The following CACNB2 variants were observed in gnomAD, a reference collection of about 807,000 sequenced individuals.
The protein encoded by CACNB2 is voltage-dependent L-type calcium channel subunit beta-2.
Under a neutral mutation model 73.3 loss-of-function variants are expected in CACNB2, and 42 were observed. The ratio of observed to expected loss-of-function variants is 0.57; its 90% CI spans 0.45 to 0.74. CACNB2 has a LOEUF of 0.74. Among genes scored for constraint, CACNB2 ranks in the 30% least tolerant of loss-of-function variants. CACNB2 has a pLI of 0.00. For synonymous variants in CACNB2, 348 were observed against 310.3 expected (o/e 1.12, Z -1.28); for missense variants, 940 against 853.0 (o/e 1.10, Z -1.27).
At chr10:18,418,694 C>G (rs535583473) in intron 3 of CACNB2, among the ~76,000 whole-genome samples, 1 of 152,294 alleles carries the variant, frequency 6.6e-6, no homozygotes, top group Non-Finnish European at 1.5e-5. Context: ...TACCTCACTG[C>G]CGATTTCTGT....
At chr10:18,509,297 T>C (rs2050644593) in intron 6 of CACNB2, among the ~76,000 whole-genome samples, 1 of 152,206 alleles carries the variant, frequency 6.6e-6, no homozygotes, top group Non-Finnish European at 1.5e-5. Context: ...TCCTCACTCA[T>C]TGCCAGACCA....
rs1167967358 is a variant in CACNB2, at chr10:18,502,712, A to ACC, written c.593+1764_593+1765insCC. Among the ~76,000 whole-genome samples, 146 of 57,952 alleles carry ACC rather than the reference A, an allele frequency of 2.5e-3. 4 individuals are homozygous for ACC. The highest frequency in any genetic ancestry group is 0.021 in the Middle Eastern group (3 of 144). The allele number at this position is 57,952 out of a possible 152,430, so 38.0% of individuals were successfully genotyped here. A position where few individuals can be genotyped will look rare whatever the true frequency, so the allele number is the denominator to read the frequency against. On this transcript the variant is annotated intron_variant, in intron 5 of 13. Transcript: ENST00000324631. ...CTCAAAAAAAAAAAAAAAAAAAAAAAAAAAAAAAAAAACCGCATGTTTTTA... is the reference window on the plus strand; with the variant it reads ...CTCAAAAAAAAAAAAAAAAAAAAAAACCAAAAAAAAAAAACCGCATGTTTTTA...
At chr10:18,275,096 G>A (rs1406183859) in intron 2 of CACNB2, among the ~76,000 whole-genome samples, 1 of 152,256 alleles carries the variant, frequency 6.6e-6, no homozygotes, top group East Asian at 1.9e-4. Flanking sequence ...TGAGACAGGT[G>A]TTTCTCATGG....
chr10:18,255,364 T>A (rs922523484), intron 2 of CACNB2, among the ~76,000 whole-genome samples: 2 of 152,214 alleles, frequency 1.3e-5, no homozygotes, highest in Non-Finnish European at 2.9e-5. Context: ...CAGGTAGCAG[T>A]GCCCCAGAGA....
At chr10:18,163,483 G>A (rs1162756286) in intron 2 of CACNB2, among the ~76,000 whole-genome samples, 1 of 152,150 alleles carries the variant, frequency 6.6e-6, no homozygotes, top group Non-Finnish European at 1.5e-5. Flanking sequence ...CCATGGGCAT[G>A]AGGCACTAAG....
At chr10:18,283,362 C>G (rs952840521) in intron 2 of CACNB2, among the ~76,000 whole-genome samples, 1 of 152,114 alleles carries the variant, frequency 6.6e-6, no homozygotes, top group African/African-American at 2.4e-5. Context: ...GATAAAGACA[C>G]ATGCACAGGT....
At chr10:18,407,862 T>C (rs1300939246) in intron 3 of CACNB2, among the ~76,000 whole-genome samples, 1 of 152,218 alleles carries the variant, frequency 6.6e-6, no homozygotes, top group Non-Finnish European at 1.5e-5. Flanking sequence ...TTTTCTCTTA[T>C]GTCTCTAAAG....
At chr10:18,334,916 G>A (rs549268052) in intron 2 of CACNB2, among the ~76,000 whole-genome samples, 2 of 152,120 alleles carry the variant, frequency 1.3e-5, no homozygotes, top group Non-Finnish European at 2.9e-5. Context: ...AGATGACAAG[G>A]AGAAGCATTG....
intron 2 of CACNB2, among the ~76,000 whole-genome samples, chr10:18,359,746 C>G (rs879480886): frequency 5.7e-4 from 86 of 152,166 alleles, no homozygotes; most frequent in African/African-American, 2.0e-3. Context: ...AATGCTGTCC[C>G]TCCTCTAGCC....
rs2041306396 is a variant in CACNB2, at chr10:18,343,262, C to T, written c.214-58662C>T. ...CCCAGATGGTCACTTCCTCTCTATC[C>T]TTTCTTCCCTTCCTCCAAATAACAA... On this transcript the variant is annotated intron_variant, in intron 2 of 13. Coordinates refer to ENST00000324631, the MANE Select transcript of CACNB2 (RefSeq NM_201596.3). Among the ~76,000 whole-genome samples, 3 of 152,082 alleles carry T rather than the reference C, an allele frequency of 2.0e-5. No homozygotes were observed. In the South Asian group the frequency reaches 6.2e-4, roughly 31 times the overall value.
At chr10:18,319,004 G>A (rs1344773956) in intron 2 of CACNB2, among the ~76,000 whole-genome samples, 1 of 152,178 alleles carries the variant, frequency 6.6e-6, no homozygotes, top group Non-Finnish European at 1.5e-5. Flanking sequence ...TGGCGGGAAT[G>A]TAAATTAGTT....
chr10:18,348,402 A>G, intron 2 of CACNB2, among the ~76,000 whole-genome samples: 1 of 152,244 alleles, frequency 6.6e-6, no homozygotes, highest in South Asian at 2.1e-4. Context: ...GCTGGAATAC[A>G]GAGGCCCAAG....
chr10:18,152,731 AAC>A (rs1491076322), intron 2 of CACNB2, among the ~76,000 whole-genome samples: 14 of 115,678 alleles, frequency 1.2e-4, no homozygotes, highest in East Asian at 8.9e-4. Flanking sequence ...AAAAAAAAAA[AAC>A]AAAAAACAAA....
At chr10:18,518,275 C>A (rs1292318835) in intron 7 of CACNB2, 61 bp from the exon 8 acceptor site, 3 of 1,137,120 alleles carry the variant, frequency 2.6e-6, no homozygotes, top group Non-Finnish European at 4.0e-6. Flanking sequence ...GTACCTTATA[C>A]ACAAAATATT....
intron 2 of CACNB2, among the ~76,000 whole-genome samples, chr10:18,204,798 T>C (rs958402242): frequency 2.6e-5 from 4 of 152,210 alleles, no homozygotes; most frequent in African/African-American, 9.6e-5. Flanking sequence ...AAAGTACTTG[T>C]TGAGTAAATG....
intron 7 of CACNB2, among the ~76,000 whole-genome samples, chr10:18,515,908 T>C (rs536140406): frequency 5.3e-5 from 8 of 152,186 alleles, no homozygotes; most frequent in Non-Finnish European, 1.2e-4. Context: ...TTATCACAAT[T>C]TTTTCACTAA....
At chr10:18,383,215 T>G (rs1017969162) in intron 2 of CACNB2, among the ~76,000 whole-genome samples, 1 of 152,214 alleles carries the variant, frequency 6.6e-6, no homozygotes, top group African/African-American at 2.4e-5. Flanking sequence ...CAGGATGTGT[T>G]TAAAGGCATA....
intron 2 of CACNB2, among the ~76,000 whole-genome samples, chr10:18,265,400 G>C (rs2037750954): frequency 6.6e-6 from 1 of 151,920 alleles, no homozygotes. Context: ...CAAAGGGCTG[G>C]GATTACAGGT....
rs182978743 is a variant in CACNB2 at position 18,349,351 on chromosome 10, C to T, written c.214-52573C>T. On this transcript the variant is annotated intron_variant, in intron 2 of 13. Transcript: ENST00000324631. ...AAAAAGAACCGTTTTCCCGGAGCTC[C>T]GGCATACTACAATGACCTAAGTTAA... Among the ~76,000 whole-genome samples, 15 of 152,224 alleles carry T rather than the reference C, an allele frequency of 9.9e-5. 1 individual carries two copies. The East Asian group carries it at 1.2e-3, about 12-fold the overall frequency.
Sources: gnomAD v4.1 joint callset for allele counts (sites outside exome capture counted in the v4.1 genomes callset) on GRCh38, gnomAD v4.1.1 for gene constraint, MANE v1.5 for transcripts, NCBI Gene and HGNC (gene_info 2026-07-23, HGNC 2026-07-21) for gene names.